COPA: variants seen among roughly 807,000 people sequenced by gnomAD.
COPA encodes the protein coatomer subunit alpha.
A neutral mutation model predicts 158.7 loss-of-function variants in COPA; 10 were observed. The observed-to-expected ratio is 0.06, with a 90% CI of 0.04 to 0.11. COPA has a LOEUF of 0.11. Among genes scored for constraint, COPA ranks in the 10% least tolerant of loss-of-function variants. COPA has a pLI of 1.00. For synonymous variants in COPA, 462 were observed against 542.8 expected, an observed-to-expected ratio of 0.85 and a Z score of 2.07; for missense variants, 1,065 against 1,536.7, an observed-to-expected ratio of 0.69 and a Z score of 5.13.
chr1:160,295,980 G>A, intron 22 of COPA, 81 bp downstream of exon 22: 1 of 1,578,592 alleles, frequency 6.3e-7, no homozygotes, highest in Non-Finnish European at 8.7e-7. Context: ...AGGTGGGAGA[G>A]TGACATTCAT....
At chr1:160,303,819 T>G (rs1401548631) in intron 17 of COPA, among the ~76,000 whole-genome samples, 1 of 152,066 alleles carries the variant, frequency 6.6e-6, no homozygotes, top group Non-Finnish European at 1.5e-5. Context: ...AAAAGAAAGA[T>G]AATATAAAAT....
intron 6 of COPA, among the ~76,000 whole-genome samples, chr1:160,331,272 A>G (rs1380352027): frequency 6.6e-6 from 1 of 152,170 alleles, no homozygotes; most frequent in Non-Finnish European, 1.5e-5. Flanking sequence ...TCTCAAAATA[A>G]AGATATGTAA....
chr1:160,313,054 G>T, intron 10 of COPA, 31 bp downstream of exon 10: 1 of 1,587,772 alleles, frequency 6.3e-7, no homozygotes. Flanking sequence ...TTTGAATTAA[G>T]CAAAGAAAAA....
In COPA at chr1:160,323,402, T is replaced by C. The variant is rs780264678; in HGVS notation, c.706+29A>G. 88 of 1,557,478 alleles carry C rather than the reference T, an allele frequency of 5.7e-5. No individual in the cohort carries two copies. In the Admixed American group the frequency reaches 1.5e-3, roughly 27 times the overall value. On this transcript the variant is annotated intron_variant, in intron 8 of 32. Coordinates refer to ENST00000241704, the MANE Select transcript of COPA (RefSeq NM_004371.4). The stretch of plus-strand genomic sequence containing the variant: ...CCTTGCTGGCTGGCAGTTTCTTAGA[T>C]ATGGCGATAATGTAACCGGTTCACT...
intron 8 of COPA, among the ~76,000 whole-genome samples, chr1:160,315,301 A>T (rs1351772267): frequency 6.6e-6 from 1 of 152,226 alleles, no homozygotes; most frequent in African/African-American, 2.4e-5. Context: ...ACTGCCTGAA[A>T]GGGGAAATAT....
At chr1:160,300,073 C>A (rs1658546432) in intron 17 of COPA, among the ~76,000 whole-genome samples, 1 of 152,120 alleles carries the variant, frequency 6.6e-6, no homozygotes, top group Admixed American at 6.5e-5. Flanking sequence ...GGTACAGTGG[C>A]TCACATCTAT....
chr1:160,305,726 G>T lies in COPA; in HGVS notation c.1490C>A (p.Ser497Ter). The T allele has an allele frequency of 6.2e-7, 1 of 1,614,166 alleles. No individual in the cohort carries two copies. Among genetic ancestry groups the T allele is most frequent in the South Asian group, 1.1e-5 (1 of 91,076 alleles). The change falls in exon 16 of 33, where the codon TCA (serine) becomes TAA (stop). Residue 497 changes from serine to a stop codon, truncating the protein, a stop_gained. Transcript: ENST00000241704. LOFTEE classifies it high-confidence loss of function. ...KISKVKYVIWSADMSHVALLA... is the reference protein window; with the variant it reads ...KISKVKYVIW ...TAGTGCTACATGTGACATGTCTGCT[G>T]ACCAGATAACGTATTTCACTTTAGA...
At chr1:160,298,150 C>T (rs2101828332) in intron 19 of COPA, among the ~76,000 whole-genome samples, 1 of 151,214 alleles carries the variant, frequency 6.6e-6, no homozygotes, top group African/African-American at 2.4e-5. Context: ...CATTGCACTC[C>T]AGCCTGGGCA....
rs112088800 is a variant in COPA at position 160,291,138 on chromosome 1, C to T, written c.3420+197G>A. 7.5e-3 allele frequency among the ~76,000 whole-genome samples: 1,138 copies of T among 152,200 alleles called. 21 individuals are homozygous for T. The highest frequency in any genetic ancestry group is 0.026 in the African/African-American group (1,080 of 41,508). On this transcript the variant is annotated intron_variant, in intron 31 of 32. Coordinates refer to ENST00000241704, the MANE Select transcript of COPA (RefSeq NM_004371.4). ...TTGCACGGCACTCTTAGACGAGTGC[C>T]ATGTCTCAATAAACTATTAATTTTC...
At position 160,313,572 on chromosome 1, in the gene COPA, G is replaced by A. The variant is rs370689123; in HGVS notation, c.843-405C>T. On this transcript the variant is annotated intron_variant, in intron 9 of 32. Transcript: ENST00000241704. ...TGGGACTACAGGCGCCCGCCACCAC[G>A]CCCGGCTAATTTTTTGTATTTTTAG... is the stretch of plus-strand genomic sequence containing the variant. Among the ~76,000 whole-genome samples the A allele has an allele frequency of 1.3e-3, 193 of 152,080 alleles. 1 individual carries two copies. The highest frequency in any genetic ancestry group is 4.1e-3 in the African/African-American group (170 of 41,502).
chr1:160,294,986 G>C, intron 23 of COPA, 129 bp from the exon 24 acceptor site: 1 of 690,628 alleles, frequency 1.4e-6, no homozygotes, highest in East Asian at 2.7e-5. Flanking sequence ...ATTTATTTTT[G>C]TGTATTATTT....
At chr1:160,307,554 C>G (rs375544237) in intron 13 of COPA, among the ~76,000 whole-genome samples, 1 of 152,248 alleles carries the variant, frequency 6.6e-6, no homozygotes, top group Non-Finnish European at 1.5e-5. Flanking sequence ...ATCAAGCTAA[C>G]GAGCAGGGCC....
intron 6 of COPA, among the ~76,000 whole-genome samples, chr1:160,332,000 A>C (rs1416584157): frequency 6.6e-6 from 1 of 152,156 alleles, no homozygotes; most frequent in Non-Finnish European, 1.5e-5. Context: ...CCTAGAACCC[A>C]ACCATGCTCC....
chr1:160,337,643 C>T lies in COPA; in HGVS notation c.228+2266G>A, dbSNP rs538135532. On this transcript the variant is annotated intron_variant, in intron 3 of 32. Coordinates refer to ENST00000241704, the MANE Select transcript of COPA (RefSeq NM_004371.4). ...CTGAGGCAGGAGAACCACTTGAACC[C>T]GGGAGGTGGAGGCTGCAGTGAGCCG... 7.2e-5 allele frequency among the ~76,000 whole-genome samples: 11 copies of T among 151,966 alleles called. No homozygotes were observed. The East Asian group carries it at 1.2e-3, about 16-fold the overall frequency.
In COPA at chr1:160,334,916, C is replaced by T. The variant is rs959711788; in HGVS notation, c.309+326G>A. ...GACCTTCTTCCAGACACACCTACTA[C>T]TTACTAATAATACCCTACATGGGAT... is the stretch of plus-strand genomic sequence containing the variant. On this transcript the variant is annotated intron_variant, in intron 4 of 32. Coordinates refer to ENST00000241704, the MANE Select transcript of COPA (RefSeq NM_004371.4). Among the ~76,000 whole-genome samples, 10 of 152,198 alleles carry T rather than the reference C, an allele frequency of 6.6e-5. No individual in the cohort carries two copies. The South Asian group carries it at 2.1e-3, about 32-fold the overall frequency.
chr1:160,329,757 A>G (rs1647417340), intron 6 of COPA, among the ~76,000 whole-genome samples: 1 of 152,230 alleles, frequency 6.6e-6, no homozygotes, highest in African/African-American at 2.4e-5. Flanking sequence ...GAAAACAGCC[A>G]CTGAAAGTAC....
At chr1:160,321,865 CA>C (rs965672415) in intron 8 of COPA, among the ~76,000 whole-genome samples, 33 of 151,850 alleles carry the variant, frequency 2.2e-4, no homozygotes, top group Non-Finnish European at 4.3e-4. Context: ...ATAGTAACTA[CA>C]AAAAATATAA....
chr1:160,307,723 T>C (rs1194533251), intron 13 of COPA, among the ~76,000 whole-genome samples: 1 of 152,230 alleles, frequency 6.6e-6, no homozygotes, highest in Non-Finnish European at 1.5e-5. Flanking sequence ...AGCTTGGTGC[T>C]GGGCGGTATT....
chr1:160,321,063 A>G (rs1443953485), intron 8 of COPA, among the ~76,000 whole-genome samples: 1 of 152,192 alleles, frequency 6.6e-6, no homozygotes, highest in Non-Finnish European at 1.5e-5. Context: ...AATAAACATG[A>G]TATATCACAT....
Sources: allele counts gnomAD v4.1 joint callset (sites outside exome capture counted in the v4.1 genomes callset), GRCh38; gene constraint gnomAD v4.1.1; transcripts MANE v1.5; gene names NCBI Gene and HGNC (gene_info 2026-07-23, HGNC 2026-07-21).